Variants in RPS6KC1 observed in about 807,000 individuals in gnomAD.
The protein encoded by RPS6KC1 is inactive ribosomal protein S6 kinase delta-1.
RPS6KC1 carries 54 observed loss-of-function variants against 103.8 expected under a neutral mutation model. That is an observed-to-expected ratio of 0.52 (90% CI 0.42 to 0.65). The LOEUF (loss-of-function observed/expected upper bound fraction) is 0.65. Ranked by LOEUF, RPS6KC1 falls within the 30% of genes least tolerant of loss-of-function variation. The pLI is 0.00. For synonymous variants in RPS6KC1, 439 were observed against 438.7 expected, an observed-to-expected ratio of 1.00 and a Z score of -0.01; for missense variants, 1,151 against 1,253.8, an observed-to-expected ratio of 0.92 and a Z score of 1.24.
the RPS6KC1 span, among the ~76,000 whole-genome samples, chr1:213,323,620 A>C: frequency 4.6e-5 from 7 of 152,308 alleles, no homozygotes; most frequent in East Asian, 1.3e-3. Flanking sequence ...AAACTTATCA[A>C]GTCCCTATTG....
At chr1:213,703,321 G>C in the RPS6KC1 span, among the ~76,000 whole-genome samples, 1 of 152,058 alleles carries the variant, frequency 6.6e-6, no homozygotes, top group African/African-American at 2.4e-5. Flanking sequence ...TTAAAAAGCT[G>C]TTGTAGTTAC....
the RPS6KC1 span, among the ~76,000 whole-genome samples, chr1:213,836,812 T>A: frequency 1.3e-5 from 2 of 152,218 alleles, no homozygotes; most frequent in Non-Finnish European, 2.9e-5. Flanking sequence ...ATTGATTTTA[T>A]AGCTCACTAA....
intron 8 of RPS6KC1, among the ~76,000 whole-genome samples, chr1:213,206,976 T>C (rs1244506409): frequency 6.6e-6 from 1 of 152,104 alleles, no homozygotes; most frequent in Non-Finnish European, 1.5e-5. Flanking sequence ...CCGGGCATGC[T>C]GCTGTGCGCC....
At chr1:213,562,614 T>C in the RPS6KC1 span, among the ~76,000 whole-genome samples, 1 of 151,974 alleles carries the variant, frequency 6.6e-6, no homozygotes, top group African/African-American at 2.4e-5. Flanking sequence ...GTGATCTGCC[T>C]GCCTTGGCCT....
chr1:213,235,500 A>G (rs1380348148), intron 10 of RPS6KC1, among the ~76,000 whole-genome samples: 2 of 152,178 alleles, frequency 1.3e-5, no homozygotes, highest in Non-Finnish European at 2.9e-5. Context: ...TAGGGTGGTC[A>G]TCTTATTGAG....
At chr1:213,380,395 C>T in the RPS6KC1 span, among the ~76,000 whole-genome samples, 9 of 152,074 alleles carry the variant, frequency 5.9e-5, no homozygotes, top group Admixed American at 4.6e-4. Flanking sequence ...AATACCTGGG[C>T]GATGAAATAA....
chr1:213,415,739 A>G, the RPS6KC1 span, among the ~76,000 whole-genome samples: 3 of 152,274 alleles, frequency 2.0e-5, no homozygotes, highest in Non-Finnish European at 2.9e-5. Context: ...TATCACCATT[A>G]TTATAAAAAA....
At chr1:213,388,134 G>A in the RPS6KC1 span, among the ~76,000 whole-genome samples, 1 of 152,204 alleles carries the variant, frequency 6.6e-6, no homozygotes, top group Admixed American at 6.5e-5. Context: ...ATCCTGCTGC[G>A]ACATTTGGCT....
chr1:213,346,213 G>A, the RPS6KC1 span, among the ~76,000 whole-genome samples: 1 of 152,074 alleles, frequency 6.6e-6, no homozygotes, highest in East Asian at 1.9e-4. Context: ...TTGGCAAGAG[G>A]ACTGATGTAT....
chr1:213,439,155 C>T, the RPS6KC1 span, among the ~76,000 whole-genome samples: 1 of 152,120 alleles, frequency 6.6e-6, no homozygotes, highest in Non-Finnish European at 1.5e-5. Context: ...TTTTGTATTC[C>T]CAACACCATG....
chr1:213,395,187 T>C, the RPS6KC1 span, among the ~76,000 whole-genome samples: 2 of 152,160 alleles, frequency 1.3e-5, no homozygotes, highest in Non-Finnish European at 2.9e-5. Flanking sequence ...GCCCCACAGA[T>C]CTGGGATTGA....
the RPS6KC1 span, among the ~76,000 whole-genome samples, chr1:213,795,182 C>T: frequency 6.6e-6 from 1 of 152,148 alleles, no homozygotes; most frequent in African/African-American, 2.4e-5. Context: ...TATATCTATC[C>T]ATCCTGTACT....
intron 12 of RPS6KC1, among the ~76,000 whole-genome samples, chr1:213,260,700 C>T (rs1399456549): frequency 2.9e-5 from 4 of 136,014 alleles, no homozygotes; most frequent in African/African-American, 5.6e-5. Flanking sequence ...GGCAAGGCTT[C>T]GGGACTAATT....
chr1:213,637,334 C>G, the RPS6KC1 span, among the ~76,000 whole-genome samples: 3 of 147,840 alleles, frequency 2.0e-5, no homozygotes, highest in African/African-American at 7.5e-5. Flanking sequence ...TGGCACTATT[C>G]ACAATAGCAA....
Position 213,199,794 on chromosome 1 carries a change from G to C in RPS6KC1, c.1044+23302G>C, listed in dbSNP as rs1290310008. On this transcript the variant is annotated intron_variant, in intron 8 of 14. Coordinates refer to ENST00000366960, the MANE Select transcript of RPS6KC1 (RefSeq NM_012424.6). ...ATAAACAACTTCAGCAAAGTTGCAG[G>C]ATACAAAATCAATGTGCAAAAATCA... 2.6e-5 allele frequency among the ~76,000 whole-genome samples: 4 copies of C among 152,142 alleles called. No individual in the cohort carries two copies. The East Asian group carries it at 5.8e-4, about 22-fold the overall frequency.
chr1:213,313,278 A>G, the RPS6KC1 span, among the ~76,000 whole-genome samples: 1 of 152,166 alleles, frequency 6.6e-6, no homozygotes. Context: ...CAATCCGCCC[A>G]GAGGAGGCAA....
At chr1:213,498,065 A>G in the RPS6KC1 span, among the ~76,000 whole-genome samples, 1 of 152,190 alleles carries the variant, frequency 6.6e-6, no homozygotes, top group African/African-American at 2.4e-5. Context: ...TTAAGAGATA[A>G]TTCCTATGCT....
At chr1:213,689,467 T>C in the RPS6KC1 span, among the ~76,000 whole-genome samples, 1 of 152,188 alleles carries the variant, frequency 6.6e-6, no homozygotes, top group African/African-American at 2.4e-5. Flanking sequence ...ACTCCCAGTA[T>C]TGCTAAGAAG....
chr1:213,785,892 C>G, the RPS6KC1 span, among the ~76,000 whole-genome samples: 43 of 152,060 alleles, frequency 2.8e-4, no homozygotes, highest in Non-Finnish European at 5.7e-4. Context: ...AGGTGATGAT[C>G]AAAAAAATTG....
Sources: allele counts gnomAD v4.1 joint callset (sites outside exome capture counted in the v4.1 genomes callset), GRCh38; gene constraint gnomAD v4.1.1; transcripts MANE v1.5; gene names NCBI Gene and HGNC (gene_info 2026-07-23, HGNC 2026-07-21).